Variants in PTPRD observed in about 807,000 individuals in gnomAD.
The protein encoded by PTPRD is receptor-type tyrosine-protein phosphatase delta.
A neutral mutation model predicts 214.5 loss-of-function variants in PTPRD; 34 were observed. The observed-to-expected ratio is 0.16, with a 90% CI of 0.12 to 0.21. The LOEUF is 0.21. PTPRD is among the 10% of genes least tolerant of loss of function. The pLI is 1.00. For synonymous variants in PTPRD, 1,128 were observed against 845.7 expected (o/e 1.33, Z -5.79); for missense variants, 2,545 against 2,398.7 (o/e 1.06, Z -1.27).
At chr9:9,720,802 C>T (rs1424066568) in intron 7 of PTPRD, among the ~76,000 whole-genome samples, 1 of 124,512 alleles carries the variant, frequency 8.0e-6, no homozygotes, top group Admixed American at 7.4e-5. Flanking sequence ...CCATGGAATA[C>T]TATGCAACCA....
chr9:9,829,470 A>T (rs911524006), intron 5 of PTPRD, among the ~76,000 whole-genome samples: 1 of 151,852 alleles, frequency 6.6e-6, no homozygotes, highest in African/African-American at 2.4e-5. Context: ...CTCTGGCTTT[A>T]ATGTGGTCAA....
chr9:8,825,084 T>C (rs975932236), intron 11 of PTPRD, among the ~76,000 whole-genome samples: 25 of 152,212 alleles, frequency 1.6e-4, no homozygotes, highest in Non-Finnish European at 1.5e-5. Flanking sequence ...AGCCCTGCCA[T>C]GAGTTTGTAC....
chr9:10,566,602 AC>A (rs2065698995), intron 2 of PTPRD, among the ~76,000 whole-genome samples: 1 of 152,012 alleles, frequency 6.6e-6, no homozygotes, highest in African/African-American at 2.4e-5. Flanking sequence ...TGTCTGTTAC[AC>A]ATATTGGAAA....
intron 6 of PTPRD, among the ~76,000 whole-genome samples, chr9:9,749,280 A>G (rs1438798088): frequency 2.0e-5 from 3 of 152,146 alleles, no homozygotes; most frequent in Non-Finnish European, 4.4e-5. Context: ...CAGCTGCACC[A>G]ATTATCAGGT....
chr9:10,473,728 T>C (rs530959916), intron 2 of PTPRD, among the ~76,000 whole-genome samples: 18 of 152,186 alleles, frequency 1.2e-4, no homozygotes, highest in South Asian at 4.1e-4. Flanking sequence ...GATCCTAACA[T>C]TTGAAAAGCT....
intron 11 of PTPRD, among the ~76,000 whole-genome samples, chr9:8,811,868 A>C (rs747750716): frequency 1.3e-5 from 2 of 152,204 alleles, no homozygotes; most frequent in Non-Finnish European, 2.9e-5. Flanking sequence ...CCTTTCGCTA[A>C]GGATCTCAGA....
chr9:8,342,633 TCATTTG>T (rs897327330), intron 39 of PTPRD, among the ~76,000 whole-genome samples: 3 of 152,054 alleles, frequency 2.0e-5, no homozygotes, highest in Non-Finnish European at 2.9e-5. Context: ...ACAGCCTCCT[TCATTTG>T]CTACATGCTA....
intron 34 of PTPRD, among the ~76,000 whole-genome samples, chr9:8,440,987 T>C (rs1354440540): frequency 1.3e-5 from 2 of 152,160 alleles, no homozygotes; most frequent in African/African-American, 4.8e-5. Flanking sequence ...ATCTTTCTAC[T>C]GTACTATTCC....
chr9:10,417,611 AC>A (rs1337091906), intron 2 of PTPRD, among the ~76,000 whole-genome samples: 2 of 151,778 alleles, frequency 1.3e-5, no homozygotes, highest in African/African-American at 4.8e-5. Context: ...ATCAATAATA[AC>A]ATATATAAAT....
intron 9 of PTPRD, among the ~76,000 whole-genome samples, chr9:9,383,685 C>A (rs575780266): frequency 6.6e-6 from 1 of 151,982 alleles, no homozygotes. Context: ...TATGCGGTAC[C>A]TTAATTATAT....
chr9:9,562,432 A>C (rs1296477137), intron 8 of PTPRD, among the ~76,000 whole-genome samples: 1 of 152,164 alleles, frequency 6.6e-6, no homozygotes, highest in Non-Finnish European at 1.5e-5. Flanking sequence ...TTGTCAACAG[A>C]GATAATTACC....
intron 7 of PTPRD, among the ~76,000 whole-genome samples, chr9:9,590,702 C>T (rs906622125): frequency 2.6e-5 from 4 of 151,782 alleles, no homozygotes; most frequent in Non-Finnish European, 5.9e-5. Flanking sequence ...GAGCTTGAAC[C>T]ATTCTTACCC....
chr9:8,929,885 G>A (rs35126471), intron 11 of PTPRD, among the ~76,000 whole-genome samples: 13,666 of 57,328 alleles, frequency 0.24, 2,630 homozygotes, highest in Non-Finnish European at 0.37. Context: ...GTATATATGT[G>A]TGTGTATATA....
intron 39 of PTPRD, among the ~76,000 whole-genome samples, chr9:8,370,737 AAAGGG>A (rs2081287710): frequency 6.6e-6 from 1 of 152,040 alleles, no homozygotes; most frequent in Non-Finnish European, 1.5e-5. Flanking sequence ...AAATGCCCCC[AAAGGG>A]ACAGCAGAAA....
chr9:9,251,114 C>G (rs955242843), intron 9 of PTPRD, among the ~76,000 whole-genome samples: 6 of 151,840 alleles, frequency 4.0e-5, no homozygotes, highest in Non-Finnish European at 7.4e-5. Context: ...ATCAGAGAAC[C>G]AAGGACAGAT....
chr9:10,111,239 T>C (rs2098688842), intron 3 of PTPRD, among the ~76,000 whole-genome samples: 3 of 129,032 alleles, frequency 2.3e-5, no homozygotes, highest in Non-Finnish European at 1.6e-5. Context: ...CTTTTTTTTT[T>C]TTTTTTTTTT....
intron 10 of PTPRD, among the ~76,000 whole-genome samples, chr9:9,074,149 A>C (rs1251833702): frequency 6.6e-6 from 1 of 152,154 alleles, no homozygotes; most frequent in East Asian, 1.9e-4. Context: ...AGCTCTTAGG[A>C]TATTAAGCCA....
intron 41 of PTPRD, 25 bp downstream of exon 41, chr9:8,341,065 T>C: frequency 6.5e-7 from 1 of 1,549,730 alleles, no homozygotes; most frequent in East Asian, 2.3e-5. Flanking sequence ...AGGCTTTGGA[T>C]AGTCAGGGGA....
At position 8,317,336 on chromosome 9, in the gene PTPRD, A is replaced by C. The variant is rs147710537; in HGVS notation, c.*538T>G. On this transcript the variant is annotated 3_prime_UTR_variant, in exon 46 of 46. Transcript: ENST00000381196. Reference sequence around the variant, plus strand: ...AAAAAAGTTTACACAGTTAGAAATGAAGCACAGGTCAGCAGTATCTTTACA... The same window carrying C: ...AAAAAAGTTTACACAGTTAGAAATGCAGCACAGGTCAGCAGTATCTTTACA... The C allele has an allele frequency of 8.6e-6, 2 of 232,408 alleles. No individual in the cohort carries two copies. Among genetic ancestry groups the C allele is most frequent in the African/African-American group, 4.4e-5 (2 of 45,280 alleles). 14.4% of individuals were successfully genotyped at this position (232,408 alleles called of 1,614,324 possible). A position where few individuals can be genotyped will look rare whatever the true frequency, so the allele number is the denominator to read the frequency against.
Sources: allele counts gnomAD v4.1 joint callset (sites outside exome capture counted in the v4.1 genomes callset), GRCh38; gene constraint gnomAD v4.1.1; transcripts MANE v1.5; gene names NCBI Gene and HGNC (gene_info 2026-07-23, HGNC 2026-07-21).